GALNT17: variants seen among roughly 807,000 people sequenced by gnomAD.
The protein encoded by GALNT17 is polypeptide N-acetylgalactosaminyltransferase 17.
GALNT17 carries 29 observed loss-of-function variants against 63.7 expected under a neutral mutation model. That is an observed-to-expected ratio of 0.46 (90% CI 0.34 to 0.62). The LOEUF is 0.62. Among genes scored for constraint, GALNT17 ranks in the 20% least tolerant of loss-of-function variants. GALNT17 has a pLI of 0.01. For synonymous variants in GALNT17, 305 were observed against 318.3 expected, an observed-to-expected ratio of 0.96 and a Z score of 0.45; for missense variants, 603 against 799.6, an observed-to-expected ratio of 0.75 and a Z score of 2.97.
In GALNT17 at chr7:71,421,105, G is replaced by A; in HGVS notation, c.962G>A (p.Arg321Lys). 6.2e-7 allele frequency: 1 copy of A among 1,614,028 alleles called. No individual in the cohort carries two copies. The highest frequency in any genetic ancestry group is 1.1e-5 in the South Asian group (1 of 91,072). The change falls in exon 5 of 11, where the codon AGG (arginine) becomes AAG (lysine). Residue 321 changes from arginine to lysine, a missense_variant and splice_region_variant. Arg to Lys is a conservative substitution (Grantham distance 26, BLOSUM62 2). Around this residue, in one of 3 missense-constraint regions of GALNT17, gnomAD observed 336 missense variants for 507.8 expected, o/e 0.66. Coordinates refer to ENST00000333538, the MANE Select transcript of GALNT17 (RefSeq NM_022479.3). ...GCCGGAGACCCTTCTCTCCCCATCA[G>A]GTCTGTGGCTGGTGAGCCCTGGCGG... is the stretch of plus-strand genomic sequence containing the variant. Reference protein sequence around the residue: ...WDAGDPSLPIRTPAMIGCSFV... With the variant: ...WDAGDPSLPIKTPAMIGCSFV...
chr7:71,315,719 C>T (rs12534549), intron 1 of GALNT17, among the ~76,000 whole-genome samples: 41,133 of 151,978 alleles, frequency 0.27, 6,188 homozygotes, highest in East Asian at 0.49. Flanking sequence ...GAGGTTCTTC[C>T]GCAAGAGTTG....
chr7:71,603,578 A>G (rs1789999910), intron 6 of GALNT17, among the ~76,000 whole-genome samples: 1 of 152,092 alleles, frequency 6.6e-6, no homozygotes, highest in Non-Finnish European at 1.5e-5. Context: ...CTACGTGCAT[A>G]TGCTGGATAC....
chr7:71,371,530 A>G (rs1792623585), intron 2 of GALNT17, among the ~76,000 whole-genome samples: 2 of 152,040 alleles, frequency 1.3e-5, no homozygotes, highest in African/African-American at 2.4e-5. Context: ...ATAGTGTAAG[A>G]TCTTTCACTC....
chr7:71,286,382 T>C (rs1163808506), intron 1 of GALNT17, among the ~76,000 whole-genome samples: 2 of 152,226 alleles, frequency 1.3e-5, no homozygotes, highest in Non-Finnish European at 1.5e-5. Context: ...TAAGAATACT[T>C]GGCCCAAATG....
At chr7:71,527,665 T>C (rs1788646673) in intron 5 of GALNT17, among the ~76,000 whole-genome samples, 1 of 152,212 alleles carries the variant, frequency 6.6e-6, no homozygotes, top group East Asian at 1.9e-4. Context: ...TGTACCAAAA[T>C]CTTAAAATGT....
At chr7:71,663,856 T>C (rs1361504779) in intron 6 of GALNT17, among the ~76,000 whole-genome samples, 1 of 152,122 alleles carries the variant, frequency 6.6e-6, no homozygotes, top group Non-Finnish European at 1.5e-5. Context: ...AAGTAACCCA[T>C]CTTGGAATGA....
intron 1 of GALNT17, among the ~76,000 whole-genome samples, chr7:71,172,476 A>T (rs1788563667): frequency 6.6e-6 from 1 of 151,884 alleles, no homozygotes; most frequent in Non-Finnish European, 1.5e-5. Flanking sequence ...AGAAAAAAAA[A>T]AAAGAACTAT....
In GALNT17 at chr7:71,693,016, G is replaced by A. The variant is rs149027465; in HGVS notation, c.1500+15710G>A. Reference sequence around the variant, plus strand: ...GGCCTCCCAAAGTGCATGAGCCACCGCACCCAGCCATAAGTACATATTTGT... The same window carrying A: ...GGCCTCCCAAAGTGCATGAGCCACCACACCCAGCCATAAGTACATATTTGT... On this transcript the variant is annotated intron_variant, in intron 9 of 10. Transcript: ENST00000333538. 6.6e-3 allele frequency among the ~76,000 whole-genome samples: 1,006 copies of A among 151,660 alleles called. 9 individuals carry two copies. The highest frequency in any genetic ancestry group is 0.022 in the African/African-American group (928 of 41,362).
At chr7:71,347,491 A>G (rs1238935672) in intron 2 of GALNT17, among the ~76,000 whole-genome samples, 1 of 152,196 alleles carries the variant, frequency 6.6e-6, no homozygotes, top group Non-Finnish European at 1.5e-5. Flanking sequence ...ACACCTGGCC[A>G]TACCCCTTAT....
chr7:71,292,462 G>A (rs1790994636), intron 1 of GALNT17, among the ~76,000 whole-genome samples: 1 of 152,074 alleles, frequency 6.6e-6, no homozygotes, highest in Admixed American at 6.6e-5. Flanking sequence ...TTATTTTATT[G>A]TGCTGTAGTC....
chr7:71,404,869 A>G (rs1306034649), intron 3 of GALNT17, among the ~76,000 whole-genome samples: 1 of 152,204 alleles, frequency 6.6e-6, no homozygotes, highest in East Asian at 1.9e-4. Flanking sequence ...CAGCCTAGAA[A>G]AAGGAGGCGC....
intron 3 of GALNT17, among the ~76,000 whole-genome samples, chr7:71,402,903 A>G (rs1317335353): frequency 6.6e-6 from 1 of 152,154 alleles, no homozygotes; most frequent in African/African-American, 2.4e-5. Context: ...ATGCTTGGCC[A>G]GGCTCTCTTT....
At chr7:71,267,075 A>G (rs1381594421) in intron 1 of GALNT17, among the ~76,000 whole-genome samples, 2 of 152,242 alleles carry the variant, frequency 1.3e-5, no homozygotes, top group Admixed American at 1.3e-4. Context: ...GCAAAAGCCC[A>G]TCCCCGAAGC....
intron 9 of GALNT17, among the ~76,000 whole-genome samples, chr7:71,690,019 C>CTTTTTTTTTTTTTTTTTT (rs36049127): frequency 7.0e-6 from 1 of 142,826 alleles, no homozygotes; most frequent in Non-Finnish European, 1.5e-5. Context: ...TACTGAATAT[C>CTTTTTTTTTTTTTTTTTT]TTTTTTTTTT....
intron 1 of GALNT17, among the ~76,000 whole-genome samples, chr7:71,190,660 C>T (rs1788934567): frequency 1.3e-5 from 2 of 152,006 alleles, no homozygotes; most frequent in South Asian, 4.2e-4. Flanking sequence ...GAGACGGGGT[C>T]TTGCTTTGTC....
At chr7:71,423,792 T>C (rs1563082021) in intron 5 of GALNT17, among the ~76,000 whole-genome samples, 2 of 151,182 alleles carry the variant, frequency 1.3e-5, no homozygotes, top group Non-Finnish European at 1.5e-5. Context: ...GGTGGTGGTG[T>C]GCTCTTGTAA....
chr7:71,582,112 A>G (rs1789644306), intron 6 of GALNT17, among the ~76,000 whole-genome samples: 1 of 152,188 alleles, frequency 6.6e-6, no homozygotes, highest in African/African-American at 2.4e-5. Context: ...TTAAATAACT[A>G]AAAGTAGAAC....
At chr7:71,484,122 A>G (rs1482011133) in intron 5 of GALNT17, among the ~76,000 whole-genome samples, 2 of 152,188 alleles carry the variant, frequency 1.3e-5, no homozygotes, top group Non-Finnish European at 1.5e-5. Context: ...GAAGGAACAC[A>G]CTCTAAAATA....
intron 5 of GALNT17, among the ~76,000 whole-genome samples, chr7:71,469,886 C>G (rs187152804): frequency 1.3e-5 from 2 of 152,258 alleles, no homozygotes; most frequent in Admixed American, 1.3e-4. Context: ...AAATGTTGGT[C>G]TCAAGATATA....
Sources: allele counts gnomAD v4.1 joint callset (sites outside exome capture counted in the v4.1 genomes callset), GRCh38; gene constraint gnomAD v4.1.1; regional missense constraint gnomAD v4.1.1; transcripts MANE v1.5; gene names NCBI Gene and HGNC (gene_info 2026-07-23, HGNC 2026-07-21).